CNBD1: variants seen among roughly 807,000 people sequenced by gnomAD.
The protein encoded by CNBD1 is cyclic nucleotide binding domain containing 1.
In CNBD1, 71 loss-of-function variants were observed where a neutral mutation model predicts 54.4. The ratio of observed to expected loss-of-function variants is 1.30; its 90% CI spans 1.08 to 1.59. The LOEUF is 1.59. CNBD1 is among the 40% of genes most tolerant of loss of function. The pLI, the probability that CNBD1 is intolerant of heterozygous loss-of-function variation, is 0.00. For synonymous variants in CNBD1, 182 were observed against 170.7 expected (o/e 1.07, Z -0.51); for missense variants, 659 against 518.0 (o/e 1.27, Z -2.64).
intron 4 of CNBD1, among the ~76,000 whole-genome samples, chr8:87,016,754 A>C: frequency 6.6e-6 from 1 of 152,216 alleles, no homozygotes; most frequent in East Asian, 1.9e-4. Context: ...ACTGATGCAC[A>C]GGAAGCTATT....
intron 8 of CNBD1, among the ~76,000 whole-genome samples, chr8:87,336,813 T>C (rs1809953047): frequency 6.6e-6 from 1 of 152,196 alleles, no homozygotes; most frequent in South Asian, 2.1e-4. Context: ...TCATTGATTC[T>C]TTCTCATCTT....
intron 10 of CNBD1, among the ~76,000 whole-genome samples, chr8:87,372,047 T>G (rs1810819100): frequency 6.6e-6 from 1 of 151,992 alleles, no homozygotes; most frequent in South Asian, 2.1e-4. Flanking sequence ...GAAGTCAAAT[T>G]GTCCCTGTTT....
chr8:87,423,704 C>T (rs1807987853), intron 2 of CNBD1, among the ~76,000 whole-genome samples: 2 of 150,552 alleles, frequency 1.3e-5, no homozygotes, highest in Non-Finnish European at 2.9e-5. Flanking sequence ...ATTTTTGCAT[C>T]AATGTTCATC....
intron 5 of CNBD1, among the ~76,000 whole-genome samples, chr8:87,217,252 A>G (rs1315825670): frequency 2.0e-5 from 3 of 152,152 alleles, no homozygotes; most frequent in Non-Finnish European, 4.4e-5. Context: ...AAAAGTCAAA[A>G]GAAGATGTAA....
chr8:87,209,806 C>T (rs1029126786), intron 5 of CNBD1, among the ~76,000 whole-genome samples: 2 of 152,144 alleles, frequency 1.3e-5, no homozygotes, highest in East Asian at 3.9e-4. Context: ...AAACACAAGG[C>T]AATGGCATAA....
Position 87,163,246 on chromosome 8 carries a change from A to G in CNBD1, c.432-42747A>G, listed in dbSNP as rs919306179. On this transcript the variant is annotated intron_variant, in intron 4 of 10. Coordinates refer to ENST00000518476, the MANE Select transcript of CNBD1 (RefSeq NM_173538.3). This position sits in a 1 kb window ranked among gnomAD's most constrained non-coding sequence, Gnocchi z 4.5. ...AAGCTTTGTAACATAATTTGAAATCAGGAAGTGTGATGTCCCCAGCTTTGT... is the reference window on the plus strand; with the variant it reads ...AAGCTTTGTAACATAATTTGAAATCGGGAAGTGTGATGTCCCCAGCTTTGT... Among the ~76,000 whole-genome samples the G allele has an allele frequency of 2.0e-5, 3 of 152,078 alleles. No homozygotes were observed. The highest frequency in any genetic ancestry group is 7.2e-5 in the African/African-American group (3 of 41,434).
intron 4 of CNBD1, among the ~76,000 whole-genome samples, chr8:86,998,147 G>T (rs1808916606): frequency 6.6e-6 from 1 of 151,514 alleles, no homozygotes; most frequent in Admixed American, 6.6e-5. Context: ...AAAATTCAGG[G>T]TTAGGTCCCT....
At chr8:86,883,142 C>A (rs1433462580) in intron 1 of CNBD1, among the ~76,000 whole-genome samples, 1 of 151,202 alleles carries the variant, frequency 6.6e-6, no homozygotes, top group African/African-American at 2.4e-5. Flanking sequence ...ACCTATATAA[C>A]AAAACTGCAC....
At chr8:87,323,640 G>A (rs982591488) in intron 8 of CNBD1, among the ~76,000 whole-genome samples, 1 of 133,674 alleles carries the variant, frequency 7.5e-6, no homozygotes, top group Admixed American at 7.4e-5. Flanking sequence ...TGTGATTTTT[G>A]TACATTGATT....
intron 4 of CNBD1, among the ~76,000 whole-genome samples, chr8:87,136,489 TATTG>T (rs1230601797): frequency 7.4e-6 from 1 of 135,942 alleles, no homozygotes; most frequent in Non-Finnish European, 1.5e-5. Flanking sequence ...TTTGCTTATT[TATTG>T]ATTTTTTTAC....
chr8:87,300,825 A>G (rs1235610883), intron 8 of CNBD1, among the ~76,000 whole-genome samples: 1 of 152,138 alleles, frequency 6.6e-6, no homozygotes, highest in African/African-American at 2.4e-5. Flanking sequence ...ATTTTAGCAT[A>G]AATTCATTTA....
intron 4 of CNBD1, among the ~76,000 whole-genome samples, chr8:87,176,630 G>A (rs1049573629): frequency 6.6e-5 from 10 of 150,380 alleles, no homozygotes; most frequent in East Asian, 2.0e-4. Flanking sequence ...GATTACAGGC[G>A]TGGCCCACCA....
At position 87,303,795 on chromosome 8, in the gene CNBD1, AAAAT is replaced by A. The variant is rs542649331; in HGVS notation, c.1042+17128_1042+17131del. Among the ~76,000 whole-genome samples, 461 of 150,514 alleles carry A rather than the reference AAAAT, an allele frequency of 3.1e-3. 2 individuals carry two copies. Among genetic ancestry groups the A allele is most frequent in the African/African-American group, 0.011 (434 of 40,844 alleles). On this transcript the variant is annotated intron_variant, in intron 8 of 10. Coordinates refer to ENST00000518476, the MANE Select transcript of CNBD1 (RefSeq NM_173538.3). The stretch of plus-strand genomic sequence containing the variant: ...GAACTCAAACAAATTTACAAGAAAA[AAAAT>A]AAACAACCCCATCAACAAGTGGGCG...
At chr8:86,982,062 A>T (rs928688830) in intron 4 of CNBD1, among the ~76,000 whole-genome samples, 7 of 152,180 alleles carry the variant, frequency 4.6e-5, no homozygotes, top group Non-Finnish European at 7.3e-5. Flanking sequence ...CCACATCCTG[A>T]CCAAAACAGA....
intron 8 of CNBD1, among the ~76,000 whole-genome samples, chr8:87,328,572 G>A (rs2130907662): frequency 6.6e-6 from 1 of 151,674 alleles, no homozygotes; most frequent in South Asian, 2.1e-4. Context: ...TATCAAGATT[G>A]TTTTGACTGC....
At chr8:86,954,571 T>C (rs1462067333) in intron 4 of CNBD1, among the ~76,000 whole-genome samples, 1 of 15,876 alleles carries the variant, frequency 6.3e-5, no homozygotes, top group Non-Finnish European at 9.3e-5. Context: ...AGATGAAAAT[T>C]TACATTCCGT....
chr8:87,056,482 A>G (rs920650549), intron 4 of CNBD1, among the ~76,000 whole-genome samples: 3 of 152,240 alleles, frequency 2.0e-5, no homozygotes, highest in Non-Finnish European at 4.4e-5. Flanking sequence ...AAGCTGTTAG[A>G]ATAAAACATT....
intron 2 of CNBD1, among the ~76,000 whole-genome samples, chr8:87,401,243 C>A (rs1481915991): frequency 6.6e-6 from 1 of 152,022 alleles, no homozygotes; most frequent in African/African-American, 2.4e-5. Context: ...AAATCTAAAT[C>A]TCACAGATGA....
chr8:87,382,730 C>A lies in CNBD1; in HGVS notation c.*103C>A. On this transcript the variant is annotated 3_prime_UTR_variant, in exon 11 of 11. Transcript: ENST00000518476. ...TCAAACTACCAGCAATGAATTTGGT[C>A]TATTGTGACTACATATCCTGGATTC... The A allele has an allele frequency of 1.2e-6, 1 of 810,868 alleles. No individual in the cohort carries two copies. Among genetic ancestry groups the A allele is most frequent in the Non-Finnish European group, 1.9e-6 (1 of 519,500 alleles). 50.2% of individuals were successfully genotyped at this position (810,868 alleles called of 1,614,324 possible).
Sources: allele counts gnomAD v4.1 joint callset (sites outside exome capture counted in the v4.1 genomes callset), GRCh38; gene constraint gnomAD v4.1.1; non-coding constraint Gnocchi (gnomAD v3.1); transcripts MANE v1.5; gene names NCBI Gene and HGNC (gene_info 2026-07-23, HGNC 2026-07-21).